MCTP1: variants seen among roughly 807,000 people sequenced by gnomAD.
MCTP1 encodes the protein multiple C2 and transmembrane domain-containing protein 1.
A neutral mutation model predicts 120.6 loss-of-function variants in MCTP1; 69 were observed. That is an observed-to-expected ratio of 0.57 (90% confidence interval 0.47 to 0.70). The LOEUF (loss-of-function observed/expected upper bound fraction) is 0.70. MCTP1 is among the 30% of genes least tolerant of loss of function. The pLI, the probability that MCTP1 is intolerant of heterozygous loss-of-function variation, is 0.00. For missense variants in MCTP1, 1,203 were observed against 1,248.8 expected, an observed-to-expected ratio of 0.96 and a Z score of 0.55; for synonymous variants, 529 against 493.1, an observed-to-expected ratio of 1.07 and a Z score of -0.96.
At chr5:94,863,108 G>A (rs1338779802) in intron 17 of MCTP1, among the ~76,000 whole-genome samples, 1 of 151,836 alleles carries the variant, frequency 6.6e-6, no homozygotes. Context: ...TAGTAGGTGT[G>A]TATGTCAGAG....
intron 1 of MCTP1, among the ~76,000 whole-genome samples, chr5:95,233,954 C>T (rs573155103): frequency 6.6e-6 from 1 of 151,186 alleles, no homozygotes; most frequent in African/African-American, 2.4e-5. Flanking sequence ...AAACCAAAAG[C>T]TAGGTTTTTG....
At chr5:94,726,214 T>C (rs1020243722) in intron 19 of MCTP1, among the ~76,000 whole-genome samples, 2 of 152,212 alleles carry the variant, frequency 1.3e-5, no homozygotes, top group African/African-American at 2.4e-5. Flanking sequence ...TTTGTTCTCA[T>C]CTGAGATATG....
intron 1 of MCTP1, among the ~76,000 whole-genome samples, chr5:95,183,288 T>C (rs1011896304): frequency 2.6e-5 from 4 of 151,956 alleles, no homozygotes; most frequent in Admixed American, 2.0e-4. Context: ...GAATGAATCA[T>C]AGCCTAAAAC....
At chr5:94,721,904 CACA>C (rs1292245271) in intron 19 of MCTP1, among the ~76,000 whole-genome samples, 2 of 148,102 alleles carry the variant, frequency 1.4e-5, no homozygotes, top group African/African-American at 2.5e-5. Context: ...AAAAAATATC[CACA>C]ACAACAGCTA....
rs150680400 is a variant in MCTP1, at chr5:95,006,475, T to G, written c.838+10892A>C. On this transcript the variant is annotated intron_variant, in intron 2 of 22. Transcript: ENST00000515393. ...AAAATTTCCCAATGGCAAAACACTG[T>G]TTAAAGAAATAACATTAGAATGCAT... is the stretch of plus-strand genomic sequence containing the variant. Among the ~76,000 whole-genome samples, 1,154 of 152,208 alleles carry G rather than the reference T, an allele frequency of 7.6e-3. 9 individuals are homozygous for G. The highest frequency in any genetic ancestry group is 0.027 in the African/African-American group (1,120 of 41,534).
intron 9 of MCTP1, among the ~76,000 whole-genome samples, chr5:94,911,799 TTAC>T (rs1330298960): frequency 4.6e-5 from 7 of 152,276 alleles, no homozygotes; most frequent in East Asian, 3.9e-4. Context: ...TAATACATTA[TTAC>T]TACTACTATA....
At chr5:94,958,951 G>A (rs1823416219) in intron 2 of MCTP1, among the ~76,000 whole-genome samples, 1 of 152,100 alleles carries the variant, frequency 6.6e-6, no homozygotes, top group African/African-American at 2.4e-5. Context: ...ACCAAAACCT[G>A]GCAGAGACAC....
intron 1 of MCTP1, among the ~76,000 whole-genome samples, chr5:95,155,674 A>T (rs1341913860): frequency 6.6e-6 from 1 of 152,202 alleles, no homozygotes; most frequent in Non-Finnish European, 1.5e-5. Context: ...AGAAGCCATT[A>T]AACTGCACAG....
intron 17 of MCTP1, among the ~76,000 whole-genome samples, chr5:94,863,474 T>C (rs1036046599): frequency 2.0e-5 from 3 of 151,892 alleles, no homozygotes; most frequent in Non-Finnish European, 4.4e-5. Context: ...GTTATAAACT[T>C]AAAGTGACCT....
chr5:94,869,935 G>C lies in MCTP1; in HGVS notation c.2316+482C>G, dbSNP rs138492494. 5.1e-3 allele frequency among the ~76,000 whole-genome samples: 783 copies of C among 152,154 alleles called. 7 individuals carry two copies. Among genetic ancestry groups the C allele is most frequent in the African/African-American group, 0.018 (759 of 41,532 alleles). ...TAGTTAAAATCTAATTAGCAGGAAG[G>C]TTTCCCTTAGAAGATGGAGCCTCCT... is the stretch of plus-strand genomic sequence containing the variant. On this transcript the variant is annotated intron_variant, in intron 16 of 22. Coordinates refer to ENST00000515393, the MANE Select transcript of MCTP1 (RefSeq NM_024717.7).
intron 19 of MCTP1, among the ~76,000 whole-genome samples, chr5:94,755,192 T>C (rs766663226): frequency 6.6e-6 from 1 of 152,140 alleles, no homozygotes; most frequent in African/African-American, 2.4e-5. Flanking sequence ...CCATGTGTGC[T>C]TCTTCAACAC....
At chr5:95,127,989 C>T (rs1420551883) in intron 1 of MCTP1, among the ~76,000 whole-genome samples, 2 of 152,240 alleles carry the variant, frequency 1.3e-5, no homozygotes, top group East Asian at 3.9e-4. Flanking sequence ...AGGGCTTAGG[C>T]TCCATCAAGT....
chr5:94,859,632 G>C (rs1002398771), intron 17 of MCTP1, among the ~76,000 whole-genome samples: 3 of 151,594 alleles, frequency 2.0e-5, no homozygotes, highest in Non-Finnish European at 3.0e-5. Context: ...AACAAAACCA[G>C]ATACATACTG....
chr5:94,738,156 T>C (rs567116606), intron 19 of MCTP1, among the ~76,000 whole-genome samples: 2 of 152,364 alleles, frequency 1.3e-5, no homozygotes, highest in African/African-American at 2.4e-5. Flanking sequence ...AGAAGCTTTA[T>C]GGATAACCCT....
chr5:94,893,739 C>A (rs1803216356), intron 11 of MCTP1, among the ~76,000 whole-genome samples: 1 of 152,122 alleles, frequency 6.6e-6, no homozygotes, highest in African/African-American at 2.4e-5. Flanking sequence ...GGATGTCAGT[C>A]AGCAAATAGG....
intron 6 of MCTP1, among the ~76,000 whole-genome samples, chr5:94,930,140 T>G (rs1814219114): frequency 2.0e-5 from 3 of 151,840 alleles, no homozygotes; most frequent in Admixed American, 2.0e-4. Flanking sequence ...CAGTAGAGGA[T>G]AGATGTTTAT....
At chr5:95,168,210 G>A (rs375440841) in intron 1 of MCTP1, among the ~76,000 whole-genome samples, 10 of 152,092 alleles carry the variant, frequency 6.6e-5, no homozygotes, top group Admixed American at 1.3e-4. Context: ...AGTTGTAGAC[G>A]TGTGGTAGTA....
At chr5:94,928,004 A>G (rs921024309) in intron 6 of MCTP1, among the ~76,000 whole-genome samples, 2 of 152,156 alleles carry the variant, frequency 1.3e-5, no homozygotes, top group Non-Finnish European at 2.9e-5. Flanking sequence ...CCATCACAGT[A>G]GTCTGTATTA....
At chr5:95,026,454 C>G (rs960625315) in intron 1 of MCTP1, among the ~76,000 whole-genome samples, 3 of 152,088 alleles carry the variant, frequency 2.0e-5, no homozygotes, top group Admixed American at 2.0e-4. Flanking sequence ...CCCCAACTAC[C>G]CTTCCCACTC....
Sources: allele counts gnomAD v4.1 joint callset (sites outside exome capture counted in the v4.1 genomes callset), GRCh38; gene constraint gnomAD v4.1.1; transcripts MANE v1.5; gene names NCBI Gene and HGNC (gene_info 2026-07-23, HGNC 2026-07-21).